Variants in PPP2R5E observed in about 807,000 individuals in gnomAD.
The protein encoded by PPP2R5E is protein phosphatase 2 regulatory subunit B'epsilon.
PPP2R5E carries 4 observed loss-of-function variants against 65.3 expected under a neutral mutation model. The observed-to-expected ratio is 0.06, with a 90% CI of 0.03 to 0.14. The LOEUF is 0.14. Ranked by LOEUF, PPP2R5E falls within the 10% of genes least tolerant of loss-of-function variation. The pLI is 1.00. For missense variants in PPP2R5E, 274 were observed against 556.1 expected (o/e 0.49, Z 5.10); for synonymous variants, 183 against 187.4 (o/e 0.98, Z 0.19).
At chr14:63,428,785 T>C (rs191557156) in intron 3 of PPP2R5E, among the ~76,000 whole-genome samples, 1 of 152,324 alleles carries the variant, frequency 6.6e-6, no homozygotes, top group Non-Finnish European at 1.5e-5. Context: ...TTACTACTTT[T>C]TGACTTGCAA....
At chr14:63,500,175 T>C (rs766514704) in intron 2 of PPP2R5E, among the ~76,000 whole-genome samples, 3 of 152,216 alleles carry the variant, frequency 2.0e-5, no homozygotes, top group African/African-American at 7.2e-5. Flanking sequence ...CCCTTTGATA[T>C]TGAAAGTCTA....
At chr14:63,467,088 T>C (rs886091210) in intron 2 of PPP2R5E, among the ~76,000 whole-genome samples, 5 of 151,428 alleles carry the variant, frequency 3.3e-5, no homozygotes, top group African/African-American at 9.7e-5. Flanking sequence ...TAGCCGGGCG[T>C]GGTGGCAGGC....
chr14:63,518,698 C>A (rs1286239077), intron 2 of PPP2R5E, among the ~76,000 whole-genome samples: 1 of 152,106 alleles, frequency 6.6e-6, no homozygotes, highest in Non-Finnish European at 1.5e-5. Flanking sequence ...ATACAATAAG[C>A]ACAATGTTAC....
At chr14:63,404,059 G>T (rs1293575531) in intron 5 of PPP2R5E, among the ~76,000 whole-genome samples, 1 of 152,318 alleles carries the variant, frequency 6.6e-6, no homozygotes, top group South Asian at 2.1e-4. Flanking sequence ...ACAACTGGAA[G>T]ACTTAAGTGT....
chr14:63,489,325 G>C (rs1393635589), intron 2 of PPP2R5E, among the ~76,000 whole-genome samples: 2 of 151,732 alleles, frequency 1.3e-5, no homozygotes, highest in African/African-American at 4.8e-5. Context: ...CAAACTATTT[G>C]TCCCAAAACT....
At chr14:63,503,828 AT>A (rs1892027353) in intron 2 of PPP2R5E, among the ~76,000 whole-genome samples, 1 of 152,322 alleles carries the variant, frequency 6.6e-6, no homozygotes, top group East Asian at 1.9e-4. Context: ...GAGGAAAACC[AT>A]TTGGAAAAAA....
chr14:63,381,774 G>A (rs1268474494), intron 13 of PPP2R5E, among the ~76,000 whole-genome samples: 1 of 152,192 alleles, frequency 6.6e-6, no homozygotes, highest in Admixed American at 6.5e-5. Context: ...TTCACCACAG[G>A]TTTGTAGCCT....
intron 2 of PPP2R5E, among the ~76,000 whole-genome samples, chr14:63,491,802 G>A (rs1380618062): frequency 6.6e-6 from 1 of 152,078 alleles, no homozygotes; most frequent in Admixed American, 6.5e-5. Flanking sequence ...AGCAGAGATT[G>A]CACCATTGCA....
chr14:63,495,350 C>A (rs547279730), intron 2 of PPP2R5E, among the ~76,000 whole-genome samples: 56 of 149,488 alleles, frequency 3.7e-4, no homozygotes, highest in African/African-American at 1.3e-3. Context: ...GACGGGCAGA[C>A]CACTTGAGGT....
intron 2 of PPP2R5E, among the ~76,000 whole-genome samples, chr14:63,530,091 C>T (rs79613317): frequency 0.012 from 1,824 of 152,184 alleles, 32 homozygotes; most frequent in African/African-American, 0.042. Flanking sequence ...GCAATCAATT[C>T]TCTCCTCCAA....
chr14:63,532,593 T>C (rs958199139), intron 2 of PPP2R5E, among the ~76,000 whole-genome samples: 2 of 152,330 alleles, frequency 1.3e-5, no homozygotes, highest in Non-Finnish European at 2.9e-5. Flanking sequence ...TTCTAACTTT[T>C]GAAACCCCCA....
chr14:63,485,424 GT>G (rs550012895), intron 2 of PPP2R5E, among the ~76,000 whole-genome samples: 1 of 151,896 alleles, frequency 6.6e-6, no homozygotes, highest in African/African-American at 2.4e-5. Context: ...TTTTTGGGGG[GT>G]TTTTTTGAGA....
chr14:63,484,353 A>T (rs953792279), intron 2 of PPP2R5E, among the ~76,000 whole-genome samples: 66 of 136,382 alleles, frequency 4.8e-4, no homozygotes, highest in African/African-American at 1.3e-3. Flanking sequence ...TCTCTCACAC[A>T]CACACACACA....
intron 11 of PPP2R5E, among the ~76,000 whole-genome samples, chr14:63,388,811 T>C (rs553278481): frequency 6.6e-6 from 1 of 152,364 alleles, no homozygotes; most frequent in Admixed American, 6.5e-5. Flanking sequence ...GGTCTGGTTC[T>C]GCGCTAAGAA....
In PPP2R5E at chr14:63,373,097, T is replaced by C. The variant is rs1477337670; in HGVS notation, c.*2912A>G. 3.3e-5 allele frequency: 5 copies of C among 152,254 alleles called. No homozygotes were observed. The highest frequency in any genetic ancestry group is 9.6e-5 in the African/African-American group (4 of 41,562). 9.4% of individuals were successfully genotyped at this position (152,254 alleles called of 1,614,324 possible). A position where few individuals can be genotyped will look rare whatever the true frequency, so the allele number is the denominator to read the frequency against. On this transcript the variant is annotated 3_prime_UTR_variant, in exon 14 of 14. Transcript: ENST00000337537. The stretch of plus-strand genomic sequence containing the variant: ...GAGATGGGTGAATTCACTCACATAG[T>C]TGTTCTAGGCCCACAGCCTAAGGCC...
At chr14:63,463,757 C>T (rs911035345) in intron 2 of PPP2R5E, among the ~76,000 whole-genome samples, 4 of 152,010 alleles carry the variant, frequency 2.6e-5, no homozygotes, top group Admixed American at 2.0e-4. Flanking sequence ...CCACCATGCC[C>T]GGCTACTTTT....
At chr14:63,431,766 A>G (rs115914619) in intron 3 of PPP2R5E, among the ~76,000 whole-genome samples, 1,584 of 152,354 alleles carry the variant, frequency 0.01, 27 homozygotes, top group African/African-American at 0.037. Context: ...GAAATCCGGA[A>G]GAGGATTTAA....
At chr14:63,414,994 T>G in intron 5 of PPP2R5E, 146 bp downstream of exon 5, 1 of 422,208 alleles carries the variant, frequency 2.4e-6, no homozygotes. Context: ...TAGGCAGTAA[T>G]GGAAATTAAC....
At chr14:63,517,119 G>A (rs1892698737) in intron 2 of PPP2R5E, among the ~76,000 whole-genome samples, 1 of 151,994 alleles carries the variant, frequency 6.6e-6, no homozygotes, top group South Asian at 2.1e-4. Flanking sequence ...GCATCTGTGG[G>A]CACAAATGAG....
Sources: allele counts gnomAD v4.1 joint callset (sites outside exome capture counted in the v4.1 genomes callset), GRCh38; gene constraint gnomAD v4.1.1; transcripts MANE v1.5; gene names NCBI Gene and HGNC (gene_info 2026-07-23, HGNC 2026-07-21).